The following MACF1 variants were observed in gnomAD, a reference collection of about 807,000 sequenced individuals.
MACF1 encodes microtubule-actin cross-linking factor 1.
In MACF1, 193 loss-of-function variants were observed where a neutral mutation model predicts 854.8. The ratio of observed to expected loss-of-function variants is 0.23; its 90% CI spans 0.20 to 0.25. The LOEUF is 0.25. Ranked by LOEUF, MACF1 falls within the 10% of genes least tolerant of loss-of-function variation. The probability of loss-of-function intolerance (pLI) is 1.00; values close to 1 mark genes in which losing one functional copy is unlikely to be tolerated. For missense variants in MACF1, 7,722 were observed against 8,929.1 expected (o/e 0.86, Z 5.45); for synonymous variants, 3,185 against 3,226.7 (o/e 0.99, Z 0.44).
At chr1:39,392,266 TC>T in intron 58 of MACF1, among the ~76,000 whole-genome samples, 1 of 152,208 alleles carries the variant, frequency 6.6e-6, no homozygotes, top group South Asian at 2.1e-4. Flanking sequence ...AGTTCCATAG[TC>T]CCCAGGAGGC....
At chr1:39,143,783 T>C (rs534433042) in intron 2 of MACF1, among the ~76,000 whole-genome samples, 3 of 152,256 alleles carry the variant, frequency 2.0e-5, no homozygotes, top group Admixed American at 2.0e-4. Context: ...TTTCTTTTCT[T>C]TCCTTTTTTG....
rs1646276018 is a variant in MACF1 at position 39,310,388 on chromosome 1, T to C, written c.3060T>C (p.Cys1020=). The change falls in exon 25 of 101, where the codon TGT becomes TGC. Residue 1020 remains cysteine, a synonymous_variant. Coordinates refer to ENST00000564288, the MANE Select transcript of MACF1 (RefSeq NM_001394062.1). Reference sequence around the variant, plus strand: ...GCTTGGAAGAGGAGGTGGAAGCTTGTAAAGCCCGCTTCCAGCACCTGATGA... The same window carrying C: ...GCTTGGAAGAGGAGGTGGAAGCTTGCAAAGCCCGCTTCCAGCACCTGATGA... ...RLRLEEEVEA[C]KARFQHLMKS... The C allele has an allele frequency of 3.1e-6, 5 of 1,613,970 alleles. No homozygotes were observed. Among genetic ancestry groups the C allele is most frequent in the Middle Eastern group, 1.6e-4 (1 of 6,084 alleles).
intron 6 of MACF1, among the ~76,000 whole-genome samples, chr1:39,270,215 G>C (rs1645290762): frequency 6.6e-6 from 1 of 152,196 alleles, no homozygotes; most frequent in Admixed American, 6.5e-5. Flanking sequence ...TCCCATCCCT[G>C]TTGGGAAATT....
intron 2 of MACF1, among the ~76,000 whole-genome samples, chr1:39,145,027 TC>T (rs1286152484): frequency 1.3e-5 from 2 of 152,102 alleles, no homozygotes; most frequent in African/African-American, 4.8e-5. Context: ...CATTCTCAGA[TC>T]TCTTTTTTTT....
intron 19 of MACF1, 93 bp from the exon 20 acceptor site, chr1:39,295,694 C>CATA: frequency 2.3e-6 from 2 of 866,114 alleles, no homozygotes; most frequent in East Asian, 5.4e-5. Context: ...GCTTCTCTAT[C>CATA]ATTAGCAGAG....
At chr1:39,260,366 T>A (rs952109936) in intron 6 of MACF1, 2 of 151,602 alleles carry the variant, frequency 1.3e-5, no homozygotes, top group Admixed American at 6.6e-5. Context: ...CTTTTTCTTT[T>A]CTTTTTTTTT....
At chr1:39,274,979 G>A (rs1318515631) in intron 6 of MACF1, among the ~76,000 whole-genome samples, 4 of 151,120 alleles carry the variant, frequency 2.6e-5, no homozygotes, top group African/African-American at 9.7e-5. Flanking sequence ...GAAAGCCCAG[G>A]AATAAGCAAT....
intron 2 of MACF1, among the ~76,000 whole-genome samples, chr1:39,110,896 T>A (rs1417488896): frequency 6.6e-6 from 1 of 152,216 alleles, no homozygotes; most frequent in Non-Finnish European, 1.5e-5. Context: ...AGAGTGCATA[T>A]CTGAGAACAG....
rs766609253 is a variant in MACF1, at chr1:39,358,859, C to T, written c.12106C>T (p.Leu4036Phe). ...ASDPGVLQEQ[L>F]ATTKQLQEEL... ...TGACCCTGGAGTTCTCCAGGAGCAGCTTGCAACAACAAAGGTAAGTCAGGA... is the reference window on the plus strand; with the variant it reads ...TGACCCTGGAGTTCTCCAGGAGCAGTTTGCAACAACAAAGGTAAGTCAGGA... Residue 4036 changes from leucine (L) to phenylalanine (F), a missense_variant, in exon 46 of 101, where the codon CTT becomes TTT. Around this residue, in one of 15 missense-constraint regions of MACF1, gnomAD observed 2,807 missense variants for 3,235.8 expected, o/e 0.87. Transcript: ENST00000564288. 2 of 1,608,466 alleles carry T rather than the reference C, an allele frequency of 1.2e-6. No homozygotes were observed. Among genetic ancestry groups the T allele is most frequent in the Admixed American group, 1.7e-5 (1 of 57,604 alleles).
Position 39,442,162 on chromosome 1 carries a change from G to A in MACF1, c.18790G>A (p.Val6264Ile). The A allele has an allele frequency of 6.3e-7, 1 of 1,592,746 alleles. No individual in the cohort carries two copies. Among genetic ancestry groups the A allele is most frequent in the African/African-American group, 1.4e-5 (1 of 73,656 alleles). ...TCTTTGACAGGAGTTCAAAGTAGAA[G>A]TTTACCAACAGCAAATTGAGATGGA... The part of the protein sequence containing the change: ...LNEMKEFKVE[V>I]YQQQIEMEKL... Residue 6264 changes from valine (V) to isoleucine (I), a missense_variant, in exon 76 of 101, where the codon GTT becomes ATT. By Grantham distance (29) the Val-to-Ile change is conservative. Coordinates refer to ENST00000564288, the MANE Select transcript of MACF1 (RefSeq NM_001394062.1).
rs617368 is a variant in MACF1 at position 39,387,532 on chromosome 1, G to C, written c.14690G>C (p.Arg4897Thr). Residue 4897 changes from arginine to threonine, a missense_variant, in exon 58 of 101, where the codon AGG (arginine) becomes ACG (threonine). By Grantham distance (71) the Arg-to-Thr change is moderately conservative. Coordinates refer to ENST00000564288, the MANE Select transcript of MACF1 (RefSeq NM_001394062.1). ...LSKKTADRQS[R>T]LKDCMQKAQK... ...AAAAAAACTGCAGACAGACAATCCA[G>C]GCTCAAGGATTGTATGCAGAAAGCT... is the stretch of plus-strand genomic sequence containing the variant. 13 of 1,614,002 alleles carry C rather than the reference G, an allele frequency of 8.1e-6. No individual in the cohort carries two copies. In the East Asian group the frequency reaches 2.9e-4, roughly 36 times the overall value.
chr1:39,141,309 T>C (rs969783194), intron 2 of MACF1, among the ~76,000 whole-genome samples: 4 of 152,188 alleles, frequency 2.6e-5, no homozygotes, highest in Non-Finnish European at 5.9e-5. Flanking sequence ...CTGGGTCCCA[T>C]CCTCAGTTCT....
chr1:39,252,040 C>T (rs1316222793), intron 4 of MACF1, 99 bp downstream of exon 4: 7 of 679,166 alleles, frequency 1.0e-5, no homozygotes, highest in Non-Finnish European at 1.5e-5. Context: ...AGTTCAGTTA[C>T]TATTTGCCAC....
intron 52 of MACF1, among the ~76,000 whole-genome samples, chr1:39,376,380 A>G (rs1421301276): frequency 1.3e-5 from 2 of 152,234 alleles, no homozygotes; most frequent in Non-Finnish European, 2.9e-5. Flanking sequence ...AAAACCATGT[A>G]TATTTCAGTT....
chr1:39,336,863 C>G (rs1267840607), intron 37 of MACF1, among the ~76,000 whole-genome samples: 1 of 152,128 alleles, frequency 6.6e-6, no homozygotes, highest in Non-Finnish European at 1.5e-5. Context: ...GAATGTCTTT[C>G]TGAAATCTGC....
chr1:39,344,192 G>T (rs568108024), intron 40 of MACF1, among the ~76,000 whole-genome samples: 1 of 151,928 alleles, frequency 6.6e-6, no homozygotes, highest in Non-Finnish European at 1.5e-5. Flanking sequence ...TTTGGGAGGC[G>T]AAGGCGGGAG....
Position 39,332,368 on chromosome 1 carries a change from C to T in MACF1, c.5780C>T (p.Pro1927Leu). The T allele has an allele frequency of 6.2e-7, 1 of 1,613,914 alleles. No individual in the cohort carries two copies. The highest frequency in any genetic ancestry group is 8.5e-7 in the Non-Finnish European group (1 of 1,179,986). ...LKSICIPDVM[P>L]HMQLADSAEQ... Reference sequence around the variant, plus strand: ...TCGATTTGTATACCTGATGTGATGCCCCACATGCAACTAGCAGACTCTGCA... The same window carrying T: ...TCGATTTGTATACCTGATGTGATGCTCCACATGCAACTAGCAGACTCTGCA... Residue 1927 changes from proline (P) to leucine (L), a missense_variant, in exon 37 of 101, where the codon CCC becomes CTC. Pro to Leu is a moderately conservative substitution (Grantham distance 98, BLOSUM62 -3). Coordinates refer to ENST00000564288, the MANE Select transcript of MACF1 (RefSeq NM_001394062.1).
At position 39,287,493 on chromosome 1, in the gene MACF1, C is replaced by G; in HGVS notation, c.1716C>G (p.Ile572Met). The change falls in exon 15 of 101, where the codon ATC becomes ATG. Residue 572 changes from isoleucine to methionine, a missense_variant. Ile to Met is a conservative substitution (Grantham distance 10, BLOSUM62 1). Around this residue, in one of 15 missense-constraint regions of MACF1, gnomAD observed 1,137 missense variants for 1,263.0 expected, o/e 0.90. Coordinates refer to ENST00000564288, the MANE Select transcript of MACF1 (RefSeq NM_001394062.1). ...KPMTRAELVA[I>M]SSSEDEGNLR... ...TGACTCGGGCTGAACTTGTGGCCAT[C>G]AGCTCCTCTGAAGATGAAGGCAATC... 6.2e-7 allele frequency: 1 copy of G among 1,614,212 alleles called. No homozygotes were observed. Among genetic ancestry groups the G allele is most frequent in the Non-Finnish European group, 8.5e-7 (1 of 1,180,042 alleles).
chr1:39,282,395 G>A, intron 7 of MACF1, 21 bp downstream of exon 7: 1 of 1,603,974 alleles, frequency 6.2e-7, no homozygotes, highest in Non-Finnish European at 8.5e-7. Context: ...TGGAATTTCT[G>A]TGCTCCTGCA....
Sources: gnomAD v4.1 joint callset for allele counts (sites outside exome capture counted in the v4.1 genomes callset) on GRCh38, gnomAD v4.1.1 for gene constraint, gnomAD v4.1.1 regional missense constraint, MANE v1.5 for transcripts, NCBI Gene and HGNC (gene_info 2026-07-23, HGNC 2026-07-21) for gene names.